PRDM5: variants seen among roughly 807,000 people sequenced by gnomAD.
PRDM5 encodes the protein PR/SET domain 5.
In PRDM5, 56 loss-of-function variants were observed where a neutral mutation model predicts 81.2. The observed-to-expected ratio is 0.69, with a 90% CI of 0.56 to 0.86. The LOEUF is 0.86. Ranked by LOEUF, PRDM5 falls within the 40% of genes least tolerant of loss-of-function variation. The pLI is 0.00. For missense variants in PRDM5, 697 were observed against 770.1 expected (o/e 0.91, Z 1.12); for synonymous variants, 267 against 256.4 (o/e 1.04, Z -0.39).
chr4:120,818,447 G>C lies in PRDM5; in HGVS notation c.556C>G (p.Leu186Val), dbSNP rs777025417. ...GTGGGTTTCTGGTGCAATGTCTGGA[G>C]ATGCTCAGCAAGAATATCCTCACTG... ...FTSEDILAEH[L>V]QTLHQKPTEE... is the part of the protein sequence containing the mutation. Residue 186 changes from leucine (L) to valine (V), a missense_variant, in exon 5 of 16, where the codon CTC becomes GTC. This residue lies in a region of PRDM5 where 577 missense variants were observed against 606.7 expected (regional missense o/e 0.95). Transcript: ENST00000264808. 1 of 1,613,618 alleles carries C rather than the reference G, an allele frequency of 6.2e-7. No individual in the cohort carries two copies. The highest frequency in any genetic ancestry group is 8.5e-7 in the Non-Finnish European group (1 of 1,179,564).
At chr4:120,803,274 A>G (rs984644868) in intron 8 of PRDM5, among the ~76,000 whole-genome samples, 5 of 152,322 alleles carry the variant, frequency 3.3e-5, no homozygotes, top group African/African-American at 1.2e-4. Flanking sequence ...CCAAGACGGA[A>G]AACACTCTGC....
At chr4:120,705,895 G>A (rs1736035022) in intron 15 of PRDM5, among the ~76,000 whole-genome samples, 1 of 152,096 alleles carries the variant, frequency 6.6e-6, no homozygotes, top group Admixed American at 6.6e-5. Context: ...TTATTTTAAC[G>A]TAGAACCAAT....
In PRDM5 at chr4:120,811,443, G is replaced by T. The variant is rs560874334; in HGVS notation, c.872C>A (p.Pro291His). Reference protein sequence around the residue: ...RHQENVHTGDPKKKLICSVCN... With the variant: ...RHQENVHTGDHKKKLICSVCN... Reference sequence around the variant, plus strand: ...CACTGAACATATAAGCTTTTTCTTAGGATCTCCTAAAATAGAAATAAAATA... The same window carrying T: ...CACTGAACATATAAGCTTTTTCTTATGATCTCCTAAAATAGAAATAAAATA... Residue 291 changes from proline (P) to histidine (H), a missense_variant, in exon 8 of 16, where the codon CCT (proline) becomes CAT (histidine). Around this residue, in one of 3 missense-constraint regions of PRDM5, gnomAD observed 577 missense variants for 606.7 expected, o/e 0.95. Coordinates refer to ENST00000264808, the MANE Select transcript of PRDM5 (RefSeq NM_018699.4). 3 of 1,580,630 alleles carry T rather than the reference G, an allele frequency of 1.9e-6. No homozygotes were observed. In the South Asian group the frequency reaches 3.4e-5, roughly 18 times the overall value.
At chr4:120,765,571 G>A (rs1393692368) in intron 13 of PRDM5, among the ~76,000 whole-genome samples, 1 of 152,156 alleles carries the variant, frequency 6.6e-6, no homozygotes, top group Admixed American at 6.6e-5. Flanking sequence ...ATAGGAAGCC[G>A]GATGATAAAT....
chr4:120,700,376 A>T, intron 15 of PRDM5, among the ~76,000 whole-genome samples: 1 of 152,238 alleles, frequency 6.6e-6, no homozygotes, highest in East Asian at 1.9e-4. Flanking sequence ...CCTAGGAAAC[A>T]CCATTCTGGA....
intron 10 of PRDM5, among the ~76,000 whole-genome samples, chr4:120,794,818 A>G (rs1751119390): frequency 6.6e-6 from 1 of 151,782 alleles, no homozygotes; most frequent in Admixed American, 6.6e-5. Flanking sequence ...TAGAGATGGC[A>G]TTTTGCCATG....
At chr4:120,697,667 A>ATTTT (rs1560882467) in intron 15 of PRDM5, among the ~76,000 whole-genome samples, 2 of 86,002 alleles carry the variant, frequency 2.3e-5, no homozygotes, top group Non-Finnish European at 4.3e-5. Flanking sequence ...TGCCCAGCTA[A>ATTTT]CTATTTTTTT....
At chr4:120,880,895 G>T (rs957190095) in intron 2 of PRDM5, among the ~76,000 whole-genome samples, 1 of 152,082 alleles carries the variant, frequency 6.6e-6, no homozygotes, top group African/African-American at 2.4e-5. Context: ...TCAACTCTGG[G>T]TGTCAATGAA....
At chr4:120,830,909 C>G (rs1283846578) in intron 3 of PRDM5, among the ~76,000 whole-genome samples, 1 of 151,900 alleles carries the variant, frequency 6.6e-6, no homozygotes, top group Non-Finnish European at 1.5e-5. Flanking sequence ...TATGTATACA[C>G]ATATCTTTCT....
intron 14 of PRDM5, among the ~76,000 whole-genome samples, chr4:120,753,889 T>C (rs1173186373): frequency 2.0e-5 from 3 of 152,210 alleles, no homozygotes; most frequent in East Asian, 1.9e-4. Flanking sequence ...TTAAATCGAA[T>C]AGTGAGCTAT....
chr4:120,759,245 T>C (rs1392979634), intron 13 of PRDM5, among the ~76,000 whole-genome samples: 1 of 152,258 alleles, frequency 6.6e-6, no homozygotes, highest in Admixed American at 6.5e-5. Flanking sequence ...TCCTTCATTC[T>C]ATCCTAGAAT....
intron 14 of PRDM5, among the ~76,000 whole-genome samples, chr4:120,721,557 C>T (rs768402386): frequency 1.3e-5 from 2 of 152,236 alleles, no homozygotes; most frequent in Non-Finnish European, 2.9e-5. Context: ...CCCGACACTG[C>T]TGCCTATGTT....
At chr4:120,809,665 G>T (rs1578828739) in intron 8 of PRDM5, among the ~76,000 whole-genome samples, 1 of 152,036 alleles carries the variant, frequency 6.6e-6, no homozygotes, top group Non-Finnish European at 1.5e-5. Context: ...GTATAATTTG[G>T]CATTGTCATA....
chr4:120,796,155 T>C (rs758304291), intron 10 of PRDM5, among the ~76,000 whole-genome samples: 3 of 152,210 alleles, frequency 2.0e-5, no homozygotes, highest in Non-Finnish European at 2.9e-5. Flanking sequence ...CTGTGGCATA[T>C]CCTTACTTCT....
chr4:120,892,739 G>T (rs1764193322), intron 2 of PRDM5, among the ~76,000 whole-genome samples: 1 of 152,128 alleles, frequency 6.6e-6, no homozygotes, highest in Admixed American at 6.5e-5. Flanking sequence ...TTGTTTCTCA[G>T]GAAAACAGAA....
At chr4:120,900,326 G>A (rs1473198243) in intron 2 of PRDM5, among the ~76,000 whole-genome samples, 2 of 152,110 alleles carry the variant, frequency 1.3e-5, no homozygotes, top group Non-Finnish European at 1.5e-5. Context: ...CTATCTAGGG[G>A]ACTCCAGCCT....
At chr4:120,832,823 G>T (rs1756884679) in intron 3 of PRDM5, among the ~76,000 whole-genome samples, 1 of 152,078 alleles carries the variant, frequency 6.6e-6, no homozygotes, top group Non-Finnish European at 1.5e-5. Flanking sequence ...TCAAAAGTTG[G>T]TCAACAGTTG....
At chr4:120,703,820 C>T (rs1370084308) in intron 15 of PRDM5, among the ~76,000 whole-genome samples, 1 of 152,122 alleles carries the variant, frequency 6.6e-6, no homozygotes, top group Non-Finnish European at 1.5e-5. Flanking sequence ...GGTTCAGAGT[C>T]TATCCTCCCT....
At chr4:120,876,721 A>G (rs1280790721) in intron 2 of PRDM5, among the ~76,000 whole-genome samples, 1 of 152,228 alleles carries the variant, frequency 6.6e-6, no homozygotes, top group African/African-American at 2.4e-5. Flanking sequence ...GATACATTTG[A>G]TGAAAAAATA....
Sources: gnomAD v4.1 joint callset for allele counts (sites outside exome capture counted in the v4.1 genomes callset) on GRCh38, gnomAD v4.1.1 for gene constraint, gnomAD v4.1.1 regional missense constraint, MANE v1.5 for transcripts, NCBI Gene and HGNC (gene_info 2026-07-23, HGNC 2026-07-21) for gene names.